NTM: variants seen among roughly 807,000 people sequenced by gnomAD.
NTM encodes the protein neurotrimin.
In NTM, 13 loss-of-function variants were observed where a neutral mutation model predicts 42.1. The ratio of observed to expected loss-of-function variants is 0.31; its 90% confidence interval spans 0.20 to 0.49. The LOEUF (loss-of-function observed/expected upper bound fraction) is 0.49. NTM is among the 20% of genes least tolerant of loss of function. NTM has a pLI of 0.99. For synonymous variants in NTM, 187 were observed against 179.2 expected, an observed-to-expected ratio of 1.04 and a Z score of -0.35; for missense variants, 373 against 452.8, an observed-to-expected ratio of 0.82 and a Z score of 1.60.
At chr11:131,904,936 C>T (rs1013547369) in intron 1 of NTM, among the ~76,000 whole-genome samples, 7 of 152,174 alleles carry the variant, frequency 4.6e-5, no homozygotes, top group African/African-American at 1.7e-4. Context: ...GACGTTCCTG[C>T]TCTGTCCGCC....
At chr11:131,431,353 C>A (rs1003659343) in intron 1 of NTM, among the ~76,000 whole-genome samples, 1 of 152,192 alleles carries the variant, frequency 6.6e-6, no homozygotes, top group Non-Finnish European at 1.5e-5. Context: ...CCTCCTTAGA[C>A]CCCTCACATA....
chr11:132,206,380 G>A (rs753166808), intron 3 of NTM, among the ~76,000 whole-genome samples: 6 of 152,114 alleles, frequency 3.9e-5, no homozygotes, highest in Non-Finnish European at 8.8e-5. Flanking sequence ...TTTATGGACT[G>A]TCCATTCTGT....
chr11:132,219,001 G>C (rs941472878), intron 4 of NTM, among the ~76,000 whole-genome samples: 1 of 152,020 alleles, frequency 6.6e-6, no homozygotes, highest in African/African-American at 2.4e-5. Flanking sequence ...TTTCATTCTT[G>C]CTTCTTGGCG....
rs570926976 is a variant in NTM, at chr11:131,699,262, G to A, written c.83-212302G>A. Reference sequence around the variant, plus strand: ...GTTGAAATTAGAAACGTACTTTCCAGGAATAAATTAAAAATTGAGTTTTTG... The same window carrying A: ...GTTGAAATTAGAAACGTACTTTCCAAGAATAAATTAAAAATTGAGTTTTTG... On this transcript the variant is annotated intron_variant, in intron 1 of 8. Coordinates refer to ENST00000683400, the MANE Select transcript of NTM (RefSeq NM_001352005.2). Among the ~76,000 whole-genome samples the A allele has an allele frequency of 6.2e-4, 95 of 152,288 alleles. 1 individual carries two copies. Among genetic ancestry groups the A allele is most frequent in the African/African-American group, 2.2e-3 (91 of 41,548 alleles).
chr11:131,873,286 T>C (rs899464600), intron 1 of NTM, among the ~76,000 whole-genome samples: 3 of 151,390 alleles, frequency 2.0e-5, no homozygotes, highest in Non-Finnish European at 4.4e-5. Context: ...CCGCATGTTC[T>C]CACTCATAAG....
intron 3 of NTM, among the ~76,000 whole-genome samples, chr11:132,189,732 T>G (rs1386113034): frequency 6.6e-6 from 1 of 152,198 alleles, no homozygotes; most frequent in African/African-American, 2.4e-5. Context: ...ATCACTCCTG[T>G]GTCAATAGTT....
chr11:132,288,868 G>C (rs1237425372), intron 4 of NTM, among the ~76,000 whole-genome samples: 1 of 152,086 alleles, frequency 6.6e-6, no homozygotes, highest in South Asian at 2.1e-4. Flanking sequence ...TGATCCACCC[G>C]CCTCAGCCTC....
intron 2 of NTM, among the ~76,000 whole-genome samples, chr11:132,076,208 T>A (rs1306554996): frequency 6.6e-6 from 1 of 152,146 alleles, no homozygotes; most frequent in Non-Finnish European, 1.5e-5. Flanking sequence ...GTCAGCAAAC[T>A]TTTTCTGTCA....
chr11:131,983,374 C>CTT (rs151133606), intron 2 of NTM, among the ~76,000 whole-genome samples: 7,133 of 122,302 alleles, frequency 0.058, 841 homozygotes, highest in African/African-American at 0.2. Flanking sequence ...AAAATTGTAT[C>CTT]TTTTTTTTTT....
chr11:131,378,644 G>C (rs921785483), intron 1 of NTM, among the ~76,000 whole-genome samples: 2 of 152,150 alleles, frequency 1.3e-5, no homozygotes, highest in African/African-American at 4.8e-5. Context: ...ACTCTCAATT[G>C]ATCAATTCCT....
intron 1 of NTM, among the ~76,000 whole-genome samples, chr11:131,584,179 C>T (rs2058656875): frequency 6.6e-6 from 1 of 152,210 alleles, no homozygotes; most frequent in Non-Finnish European, 1.5e-5. Context: ...GTCTCTCAGT[C>T]CCTGCCCTGT....
intron 1 of NTM, among the ~76,000 whole-genome samples, chr11:131,423,885 A>T (rs966437629): frequency 6.6e-6 from 1 of 152,200 alleles, no homozygotes; most frequent in Non-Finnish European, 1.5e-5. Context: ...TGACATCAGC[A>T]GCCAGACTCT....
At chr11:131,397,125 C>T (rs543594339) in intron 1 of NTM, among the ~76,000 whole-genome samples, 1 of 152,216 alleles carries the variant, frequency 6.6e-6, no homozygotes, top group South Asian at 2.1e-4. Context: ...GAGTTGAGTG[C>T]TCTAACAAAA....
chr11:131,865,647 GCACACACACAGGTA>G (rs946341745), intron 1 of NTM, among the ~76,000 whole-genome samples: 1 of 151,926 alleles, frequency 6.6e-6, no homozygotes, highest in Non-Finnish European at 1.5e-5. Context: ...GCTCACAGGT[GCACACACACAGGTA>G]CACACTACAC....
intron 4 of NTM, among the ~76,000 whole-genome samples, chr11:132,270,494 G>A (rs1375647671): frequency 6.6e-6 from 1 of 152,148 alleles, no homozygotes; most frequent in African/African-American, 2.4e-5. Context: ...CTCCCAAATT[G>A]CTAAGATTAC....
intron 2 of NTM, among the ~76,000 whole-genome samples, chr11:132,035,422 G>A (rs944957429): frequency 5.3e-5 from 8 of 152,078 alleles, no homozygotes; most frequent in African/African-American, 1.7e-4. Context: ...ATGCATAGTC[G>A]GCTGTCAAAC....
intron 1 of NTM, among the ~76,000 whole-genome samples, chr11:131,766,621 G>A (rs184758982): frequency 1.0e-3 from 158 of 152,132 alleles, no homozygotes; most frequent in South Asian, 1.7e-3. Context: ...ATTATCAACC[G>A]CAGAACTCAG....
chr11:132,238,178 G>A (rs1399307014), intron 4 of NTM, among the ~76,000 whole-genome samples: 4 of 152,076 alleles, frequency 2.6e-5, no homozygotes, highest in South Asian at 2.1e-4. Context: ...CTTAATCGGC[G>A]AGGATGGGAG....
At chr11:131,401,998 C>A (rs971507095) in intron 1 of NTM, among the ~76,000 whole-genome samples, 2 of 150,656 alleles carry the variant, frequency 1.3e-5, no homozygotes, top group Non-Finnish European at 3.0e-5. Flanking sequence ...GCAGAAGACA[C>A]CTTGCTCTTG....
Sources: allele counts gnomAD v4.1 joint callset (sites outside exome capture counted in the v4.1 genomes callset), GRCh38; gene constraint gnomAD v4.1.1; transcripts MANE v1.5; gene names NCBI Gene and HGNC (gene_info 2026-07-23, HGNC 2026-07-21).